Variants in KIT observed in about 807,000 individuals in gnomAD.
KIT encodes the protein mast/stem cell growth factor receptor Kit.
KIT carries 16 observed loss-of-function variants against 105.7 expected under a neutral mutation model. The observed-to-expected ratio is 0.15, with a 90% confidence interval of 0.10 to 0.23. The LOEUF is 0.23. Ranked by LOEUF, KIT falls within the 10% of genes least tolerant of loss-of-function variation. The probability of loss-of-function intolerance (pLI) is 1.00; values close to 1 mark genes in which losing one functional copy is unlikely to be tolerated. For missense variants in KIT, 858 were observed against 1,213.8 expected (o/e 0.71, Z 4.36); for synonymous variants, 438 against 441.1 (o/e 0.99, Z 0.09).
chr4:54,736,652 C>G (rs771034333), intron 18 of KIT, 43 bp downstream of exon 18: 1 of 1,593,030 alleles, frequency 6.3e-7, no homozygotes, highest in Non-Finnish European at 8.6e-7. Flanking sequence ...AGACTCAGAG[C>G]ATCTTCTTGA....
In KIT at chr4:54,705,914, A is replaced by T. The variant is rs149105205; in HGVS notation, c.926-1184A>T. Among the ~76,000 whole-genome samples, 92 of 152,336 alleles carry T rather than the reference A, an allele frequency of 6.0e-4. No individual in the cohort carries two copies. The East Asian group carries it at 0.016, about 27-fold the overall frequency. ...ACAAAACAAAAGATTAAGTGTCACA[A>T]TTATTAAGTAAAAGGTATGCTAAAG... On this transcript the variant is annotated intron_variant, in intron 5 of 20. Coordinates refer to ENST00000288135, the MANE Select transcript of KIT (RefSeq NM_000222.3).
chr4:54,704,950 A>G (rs1166576578), intron 5 of KIT, among the ~76,000 whole-genome samples: 1 of 152,194 alleles, frequency 6.6e-6, no homozygotes, highest in Admixed American at 6.5e-5. Context: ...GTTATAATGG[A>G]AAGTTTCTCC....
rs2109820050 is a variant in KIT, at chr4:54,738,591, T to A, written c.*34T>A. On this transcript the variant is annotated 3_prime_UTR_variant, in exon 21 of 21. Transcript: ENST00000288135. Reference sequence around the variant, plus strand: ...AGTGTTTGGGTCACCCCTCCAGGAATGATCTCTTCTTTTGGCTTCCATGAT... The same window carrying A: ...AGTGTTTGGGTCACCCCTCCAGGAAAGATCTCTTCTTTTGGCTTCCATGAT... 1 of 1,612,380 alleles carries A rather than the reference T, an allele frequency of 6.2e-7. No individual in the cohort carries two copies. The highest frequency in any genetic ancestry group is 8.5e-7 in the Non-Finnish European group (1 of 1,179,780).
At chr4:54,722,280 C>T (rs948150470) in intron 7 of KIT, among the ~76,000 whole-genome samples, 4 of 152,132 alleles carry the variant, frequency 2.6e-5, no homozygotes, top group East Asian at 1.9e-4. Context: ...CTTGAGCCAC[C>T]GTGCCCAGCA....
At chr4:54,684,690 C>T (rs1480686061) in intron 1 of KIT, among the ~76,000 whole-genome samples, 4 of 152,154 alleles carry the variant, frequency 2.6e-5, no homozygotes, top group Non-Finnish European at 4.4e-5. Context: ...AGTTGCTGCT[C>T]CCCCGGCAGC....
intron 1 of KIT, among the ~76,000 whole-genome samples, chr4:54,670,629 C>A (rs1355045951): frequency 1.3e-5 from 2 of 152,168 alleles, no homozygotes; most frequent in African/African-American, 4.8e-5. Flanking sequence ...CCTCCTGGTT[C>A]CTGCTCCCTT....
Position 54,699,551 on chromosome 4 carries a change from C to T in KIT, c.620-79C>T, listed in dbSNP as rs1720312422. 2.0e-6 allele frequency: 3 copies of T among 1,488,248 alleles called. No homozygotes were observed. In the East Asian group the frequency reaches 6.8e-5, roughly 34 times the overall value. The allele number at this position is 1,488,248 out of a possible 1,614,324, so 92.2% of individuals were successfully genotyped here. On this transcript the variant is annotated intron_variant, in intron 3 of 20. Transcript: ENST00000288135. ...AAAAGATGACAAAGTAAGCTGTACA[C>T]ATTTGAGGAGAAATGGTAAATCAAA...
At chr4:54,731,730 C>G (rs956502139) in intron 15 of KIT, 141 bp from the exon 16 acceptor site, 2 of 868,428 alleles carry the variant, frequency 2.3e-6, no homozygotes, top group Non-Finnish European at 3.8e-6. Flanking sequence ...ATCTACCTTT[C>G]CTGGACACCA....
chr4:54,699,671 T>C lies in KIT; in HGVS notation c.661T>C (p.Tyr221His), dbSNP rs1353141725. ...VPVVSVSKAS[Y>H]LLREGEEFTV... ...TGTTGTGTCTGTGTCCAAAGCAAGC[T>C]ATCTTCTTAGGGAAGGGGAAGAATT... The change falls in exon 4 of 21, where the codon TAT (tyrosine) becomes CAT (histidine). Residue 221 changes from tyrosine to histidine, a missense_variant. Tyr to His is a moderately conservative substitution (Grantham distance 83). This residue lies in a region of KIT where 401 missense variants were observed against 601.0 expected (regional missense o/e 0.67). Transcript: ENST00000288135. The C allele has an allele frequency of 6.2e-7, 1 of 1,614,028 alleles. No individual in the cohort carries two copies. The highest frequency in any genetic ancestry group is 8.5e-7 in the Non-Finnish European group (1 of 1,179,902).
intron 9 of KIT, among the ~76,000 whole-genome samples, chr4:54,726,872 T>C (rs1722254257): frequency 6.6e-6 from 1 of 151,806 alleles, no homozygotes. Context: ...ATATAAACCG[T>C]CCATAAAGGA....
intron 1 of KIT, among the ~76,000 whole-genome samples, chr4:54,667,510 A>T (rs939926738): frequency 6.6e-6 from 1 of 152,198 alleles, no homozygotes; most frequent in African/African-American, 2.4e-5. Flanking sequence ...CACTTCTTGA[A>T]TGGCCAATTG....
At chr4:54,673,848 C>T (rs917957839) in intron 1 of KIT, among the ~76,000 whole-genome samples, 4 of 152,138 alleles carry the variant, frequency 2.6e-5, no homozygotes, top group Non-Finnish European at 5.9e-5. Context: ...GAGACAGAGT[C>T]TTGCTCTGCC....
At chr4:54,728,643 G>A (rs920143580) in intron 13 of KIT, among the ~76,000 whole-genome samples, 18 of 152,194 alleles carry the variant, frequency 1.2e-4, no homozygotes, top group African/African-American at 4.1e-4. Flanking sequence ...AAGAAACAAA[G>A]ATGTGTAAAA....
chr4:54,714,196 A>T (rs1287820794), intron 7 of KIT, among the ~76,000 whole-genome samples: 1 of 152,236 alleles, frequency 6.6e-6, no homozygotes, highest in Non-Finnish European at 1.5e-5. Context: ...TCAGGAAAAA[A>T]GTAGAGTTTT....
intron 17 of KIT, 83 bp downstream of exon 17, chr4:54,733,275 A>G (rs1234403865): frequency 3.4e-6 from 5 of 1,450,740 alleles, no homozygotes; most frequent in Admixed American, 3.4e-5. Context: ...TGTGATTTTC[A>G]TAATGTAAAT....
intron 1 of KIT, among the ~76,000 whole-genome samples, chr4:54,673,381 C>G (rs1233978344): frequency 6.6e-6 from 1 of 152,220 alleles, no homozygotes; most frequent in East Asian, 1.9e-4. Context: ...TTTCCGTCTT[C>G]TGGTTCATTT....
In KIT at chr4:54,738,585, C is replaced by CA; in HGVS notation, c.*29dup. 2.5e-6 allele frequency: 4 copies of CA among 1,612,744 alleles called. No homozygotes were observed. The highest frequency in any genetic ancestry group is 3.4e-6 in the Non-Finnish European group (4 of 1,179,802). On this transcript the variant is annotated 3_prime_UTR_variant, in exon 21 of 21. Coordinates refer to ENST00000288135, the MANE Select transcript of KIT (RefSeq NM_000222.3). ...AGAATCAGTGTTTGGGTCACCCCTC[C>CA]AGGAATGATCTCTTCTTTTGGCTTC...
chr4:54,685,747 C>A (rs139942134), intron 1 of KIT, among the ~76,000 whole-genome samples: 1 of 152,320 alleles, frequency 6.6e-6, no homozygotes, highest in East Asian at 1.9e-4. Flanking sequence ...TCCACTAGTT[C>A]TGTGATATTT....
chr4:54,658,460 C>G (rs955847291), intron 1 of KIT, among the ~76,000 whole-genome samples: 2 of 151,904 alleles, frequency 1.3e-5, no homozygotes, highest in Non-Finnish European at 1.5e-5. Context: ...TCTTGCCGTG[C>G]GAGGCGCGGC....
Sources: allele counts gnomAD v4.1 joint callset (sites outside exome capture counted in the v4.1 genomes callset), GRCh38; gene constraint gnomAD v4.1.1; regional missense constraint gnomAD v4.1.1; transcripts MANE v1.5; gene names NCBI Gene and HGNC (gene_info 2026-07-23, HGNC 2026-07-21).